Variants in RNF10 observed in about 807,000 individuals in gnomAD.
RNF10 encodes E3 ubiquitin-protein ligase RNF10.
In RNF10, 38 loss-of-function variants were observed where a neutral mutation model predicts 91.4. The observed-to-expected ratio is 0.42, with a 90% CI of 0.32 to 0.54. The LOEUF (loss-of-function observed/expected upper bound fraction) is 0.54. Among genes scored for constraint, RNF10 ranks in the 20% least tolerant of loss-of-function variants. The pLI is 0.16. For missense variants in RNF10, 945 were observed against 1,012.0 expected, an observed-to-expected ratio of 0.93 and a Z score of 0.90; for synonymous variants, 364 against 366.3, an observed-to-expected ratio of 0.99 and a Z score of 0.07.
chr12:120,565,165 A>T lies in RNF10; in HGVS notation c.1759A>T (p.Lys587Ter). ...GGCTTTGCAACCTCCTGTGGTCTCT[A>T]AGGAAACCCTAGAGATGTTCTCAGG... ...ELALQPPVVS[K>*]ETLEMFSDDI... Residue 587 changes from lysine (K) to a stop codon, truncating the protein, a stop_gained, in exon 11 of 17, where the codon AAG becomes TAG. Coordinates refer to ENST00000325954, the MANE Select transcript of RNF10 (RefSeq NM_014868.5). LOFTEE classifies it high-confidence loss of function. The T allele has an allele frequency of 6.2e-7, 1 of 1,611,592 alleles. No individual in the cohort carries two copies. Among genetic ancestry groups the T allele is most frequent in the East Asian group, 2.2e-5 (1 of 44,872 alleles).
At chr12:120,547,290 A>G (rs556852798) in intron 2 of RNF10, among the ~76,000 whole-genome samples, 30 of 152,194 alleles carry the variant, frequency 2.0e-4, no homozygotes, top group African/African-American at 6.5e-4. Context: ...GGAGCACACT[A>G]TATGGTTGTT....
At chr12:120,567,472 G>A (rs1340667040) in intron 13 of RNF10, among the ~76,000 whole-genome samples, 1 of 152,184 alleles carries the variant, frequency 6.6e-6, no homozygotes, top group African/African-American at 2.4e-5. Context: ...GGAGGCCAAG[G>A]CGGGTGGATC....
At chr12:120,575,738 G>A in intron 15 of RNF10, 50 bp downstream of exon 15, 2 of 1,613,966 alleles carry the variant, frequency 1.2e-6, no homozygotes, top group Non-Finnish European at 1.7e-6. Flanking sequence ...TTCCATAAAA[G>A]GCTGTTTCTA....
At chr12:120,567,816 A>T (rs1260094479) in intron 13 of RNF10, among the ~76,000 whole-genome samples, 2 of 152,006 alleles carry the variant, frequency 1.3e-5, no homozygotes, top group Non-Finnish European at 2.9e-5. Context: ...CGTGGGTTTT[A>T]AAAAAACACC....
rs1473219777 is a variant in RNF10, at chr12:120,572,017, C to T, written c.2142+726C>T. 4.0e-5 allele frequency among the ~76,000 whole-genome samples: 6 copies of T among 150,662 alleles called. No homozygotes were observed. In the South Asian group the frequency reaches 6.3e-4, roughly 16 times the overall value. On this transcript the variant is annotated intron_variant, in intron 14 of 16. Transcript: ENST00000325954. ...TTGACATGTGCCCTTGTAAGAAGTC[C>T]GTATAAACTTCTTTGAGGCTAGTGC...
intron 4 of RNF10, among the ~76,000 whole-genome samples, chr12:120,557,033 A>C (rs967063167): frequency 2.7e-5 from 4 of 147,246 alleles, no homozygotes; most frequent in Non-Finnish European, 5.9e-5. Context: ...AGTCCCAGCT[A>C]CTCCAGAGGC....
chr12:120,571,259 G>A lies in RNF10; in HGVS notation c.2110G>A (p.Glu704Lys). Residue 704 changes from glutamate to lysine, a missense_variant, in exon 14 of 17, where the codon GAA becomes AAA. Coordinates refer to ENST00000325954, the MANE Select transcript of RNF10 (RefSeq NM_014868.5). ...TCCCTCATTCTGCGTTGGGAGTCTG[G>A]AAGAAGACTCTCCCTTCCCTTCCTT... ...GSPSFCVGSL[E>K]EDSPFPSFAQ... The A allele has an allele frequency of 1.9e-6, 3 of 1,613,948 alleles. No homozygotes were observed. The highest frequency in any genetic ancestry group is 2.5e-6 in the Non-Finnish European group (3 of 1,179,862).
In RNF10 at chr12:120,569,035, A is replaced by G. The variant is rs543664414; in HGVS notation, c.2041+2055A>G. ...GCCCAGGCTGGAGTGCAATAGTGCA[A>G]TCTCAGCTTACTGCAACCTCTGCCT... On this transcript the variant is annotated intron_variant, in intron 13 of 16. Transcript: ENST00000325954. Among the ~76,000 whole-genome samples the G allele has an allele frequency of 2.0e-5, 3 of 152,178 alleles. No homozygotes were observed. In the East Asian group the frequency reaches 5.8e-4, roughly 30 times the overall value.
chr12:120,557,578 T>C lies in RNF10; in HGVS notation c.863T>C (p.Val288Ala). ...VVATESHQYV[V>A]GDTITMQLMK... ...GCCACAGAGTCACATCAGTATGTTG[T>C]TGGTGATACCATTACGATGCAGCTG... is the stretch of plus-strand genomic sequence containing the variant. The change falls in exon 6 of 17, where the codon GTT becomes GCT. Residue 288 changes from valine to alanine, a missense_variant. Coordinates refer to ENST00000325954, the MANE Select transcript of RNF10 (RefSeq NM_014868.5). 1 of 1,614,222 alleles carries C rather than the reference T, an allele frequency of 6.2e-7. No individual in the cohort carries two copies. The highest frequency in any genetic ancestry group is 2.2e-5 in the East Asian group (1 of 44,892).
intron 1 of RNF10, among the ~76,000 whole-genome samples, chr12:120,536,542 T>A (rs1870834213): frequency 6.6e-6 from 1 of 152,192 alleles, no homozygotes; most frequent in African/African-American, 2.4e-5. Flanking sequence ...GTTTACCTGG[T>A]GTGAGACCAT....
chr12:120,534,977 G>T lies in RNF10; in HGVS notation c.157+9G>T, dbSNP rs761496796. 35 of 1,588,354 alleles carry T rather than the reference G, an allele frequency of 2.2e-5. No homozygotes were observed. Among genetic ancestry groups the T allele is most frequent in the Admixed American group, 5.2e-5 (3 of 57,992 alleles). On this transcript the variant is annotated intron_variant, in intron 1 of 16. Transcript: ENST00000325954. ...GTCTAAACCCAAGAGCGGTAAGGAC[G>T]GGCCTGCGGCAGTGGGCGGGGGCGA... is the stretch of plus-strand genomic sequence containing the variant.
intron 13 of RNF10, among the ~76,000 whole-genome samples, chr12:120,569,850 C>T (rs746790612): frequency 2.0e-5 from 3 of 149,524 alleles, no homozygotes; most frequent in Admixed American, 6.7e-5. Context: ...TCTGTGATAC[C>T]GAGATTGTGT....
chr12:120,562,872 A>G, intron 7 of RNF10, 73 bp from the exon 8 acceptor site: 5 of 1,597,630 alleles, frequency 3.1e-6, no homozygotes, highest in Non-Finnish European at 4.3e-6. Flanking sequence ...AGGCCATTCT[A>G]AGCCCTTGCC....
chr12:120,567,049 T>C, intron 13 of RNF10, 69 bp downstream of exon 13: 3 of 1,492,002 alleles, frequency 2.0e-6, no homozygotes, highest in Non-Finnish European at 1.8e-6. Context: ...TGTCTGAGTT[T>C]ACAACCCCGG....
At position 120,574,654 on chromosome 12, in the gene RNF10, G is replaced by C. The variant is rs182883272; in HGVS notation, c.2143-977G>C. 1.5e-5 allele frequency: 6 copies of C among 396,014 alleles called. No individual in the cohort carries two copies. The East Asian group carries it at 3.7e-4, about 24-fold the overall frequency. The allele number at this position is 396,014 out of a possible 1,614,324, so 24.5% of individuals were successfully genotyped here. A position where few individuals can be genotyped will look rare whatever the true frequency, so the allele number is the denominator to read the frequency against. ...AACTGGAGGGTACTTGGCTGGGCACGGTGTCTCATGCCTGTAATCCCAGCA... is the reference window on the plus strand; with the variant it reads ...AACTGGAGGGTACTTGGCTGGGCACCGTGTCTCATGCCTGTAATCCCAGCA... On this transcript the variant is annotated intron_variant, in intron 14 of 16. Transcript: ENST00000325954.
At chr12:120,560,120 T>G (rs1205626954) in intron 6 of RNF10, among the ~76,000 whole-genome samples, 1 of 151,748 alleles carries the variant, frequency 6.6e-6, no homozygotes, top group East Asian at 1.9e-4. Context: ...ACTGGTTGGT[T>G]TGAGCTTTTC....
chr12:120,570,452 C>T (rs937080840), intron 13 of RNF10, among the ~76,000 whole-genome samples: 4 of 152,158 alleles, frequency 2.6e-5, no homozygotes, highest in African/African-American at 4.8e-5. Context: ...TCCCAAAGTG[C>T]TGGGATTACA....
intron 1 of RNF10, chr12:120,539,474 C>A (rs776230652): frequency 1.5e-5 from 19 of 1,261,710 alleles, no homozygotes; most frequent in Non-Finnish European, 2.0e-5. Context: ...GATGGGTAAG[C>A]AACTTGCTTG....
chr12:120,554,953 C>G, intron 4 of RNF10, 145 bp downstream of exon 4: 1 of 660,038 alleles, frequency 1.5e-6, no homozygotes, highest in Non-Finnish European at 2.7e-6. Flanking sequence ...AGGTCAGTTC[C>G]TGGTTCTTCC....
Sources: gnomAD v4.1 joint callset for allele counts (sites outside exome capture counted in the v4.1 genomes callset) on GRCh38, gnomAD v4.1.1 for gene constraint, MANE v1.5 for transcripts, NCBI Gene and HGNC (gene_info 2026-07-23, HGNC 2026-07-21) for gene names.